Variants in DCC observed in about 807,000 individuals in gnomAD.
DCC encodes the protein netrin receptor DCC.
In DCC, 58 loss-of-function variants were observed where a neutral mutation model predicts 172.5. That is an observed-to-expected ratio of 0.34 (90% CI 0.27 to 0.42). The LOEUF is 0.42. Among genes scored for constraint, DCC ranks in the 10% least tolerant of loss-of-function variants. The probability of loss-of-function intolerance (pLI) is 1.00; values close to 1 mark genes in which losing one functional copy is unlikely to be tolerated. For synonymous variants in DCC, 709 were observed against 644.5 expected (o/e 1.10, Z -1.52); for missense variants, 1,740 against 1,791.0 (o/e 0.97, Z 0.51).
At chr18:53,036,523 C>A (rs1035966998) in intron 5 of DCC, among the ~76,000 whole-genome samples, 5 of 151,986 alleles carry the variant, frequency 3.3e-5, no homozygotes, top group African/African-American at 1.2e-4. Context: ...GATAACGTTC[C>A]TTCTGCTACT....
intron 9 of DCC, among the ~76,000 whole-genome samples, chr18:53,195,905 G>C (rs1002127821): frequency 6.6e-6 from 1 of 152,086 alleles, no homozygotes; most frequent in African/African-American, 2.4e-5. Flanking sequence ...GGTGTTTTCT[G>C]TGCATTTTGT....
chr18:53,352,581 A>G (rs1309296588), intron 15 of DCC, among the ~76,000 whole-genome samples: 2 of 152,124 alleles, frequency 1.3e-5, no homozygotes, highest in Non-Finnish European at 2.9e-5. Flanking sequence ...GGGTACATAT[A>G]TTCATTATTT....
intron 26 of DCC, among the ~76,000 whole-genome samples, chr18:53,491,030 AC>A (rs1247811682): frequency 2.0e-5 from 3 of 152,142 alleles, no homozygotes; most frequent in Non-Finnish European, 4.4e-5. Context: ...CCTATGTGGT[AC>A]TAAGGATGGA....
chr18:52,394,308 C>T (rs1598780765), intron 1 of DCC, among the ~76,000 whole-genome samples: 1 of 151,938 alleles, frequency 6.6e-6, no homozygotes, highest in African/African-American at 2.4e-5. Context: ...ACTCTGTTGC[C>T]CAGGCTGGAG....
intron 2 of DCC, among the ~76,000 whole-genome samples, chr18:52,863,415 A>C (rs1256421464): frequency 1.3e-5 from 2 of 151,832 alleles, no homozygotes; most frequent in African/African-American, 4.8e-5. Flanking sequence ...TTTTAAAAGC[A>C]TAAGCTTTCT....
At chr18:52,820,967 G>A (rs902396423) in intron 2 of DCC, among the ~76,000 whole-genome samples, 2 of 151,938 alleles carry the variant, frequency 1.3e-5, no homozygotes, top group African/African-American at 4.8e-5. Flanking sequence ...GCAACATCTG[G>A]GACCCTTATC....
At chr18:53,467,862 G>A (rs770430403) in intron 24 of DCC, 32 bp from the exon 25 acceptor site, 1 of 1,056,670 alleles carries the variant, frequency 9.5e-7, no homozygotes, top group Admixed American at 1.7e-5. Context: ...TCCTTGAAGA[G>A]GGCATGTTTC....
chr18:53,251,479 C>T (rs2056432731), intron 12 of DCC, among the ~76,000 whole-genome samples: 1 of 151,906 alleles, frequency 6.6e-6, no homozygotes, highest in African/African-American at 2.4e-5. Context: ...ATGATTTGTG[C>T]ATTTATATGC....
chr18:52,349,620 A>G (rs1170028042), intron 1 of DCC, among the ~76,000 whole-genome samples: 1 of 152,108 alleles, frequency 6.6e-6, no homozygotes, highest in Non-Finnish European at 1.5e-5. Context: ...TTATTTTACA[A>G]TTCATCTGAG....
chr18:52,805,689 G>T (rs546279344), intron 2 of DCC, among the ~76,000 whole-genome samples: 1 of 152,132 alleles, frequency 6.6e-6, no homozygotes, highest in African/African-American at 2.4e-5. Flanking sequence ...ATGAATACTA[G>T]AAATGAATGT....
At chr18:53,176,490 C>A (rs2055097048) in intron 8 of DCC, among the ~76,000 whole-genome samples, 2 of 149,746 alleles carry the variant, frequency 1.3e-5, no homozygotes, top group South Asian at 4.2e-4. Flanking sequence ...AAGAAAAAAA[C>A]AAACAACCCC....
intron 2 of DCC, among the ~76,000 whole-genome samples, chr18:52,904,480 G>T (rs1158922809): frequency 1.3e-5 from 2 of 152,174 alleles, no homozygotes; most frequent in Non-Finnish European, 2.9e-5. Context: ...ATTTGACCCA[G>T]GTCATTTTAC....
At chr18:52,895,597 CAT>C (rs1197671201) in intron 2 of DCC, among the ~76,000 whole-genome samples, 2 of 152,112 alleles carry the variant, frequency 1.3e-5, no homozygotes, top group African/African-American at 4.8e-5. Context: ...AGTTTATTAA[CAT>C]AATTTTCTAT....
intron 27 of DCC, among the ~76,000 whole-genome samples, chr18:53,501,554 T>C (rs1364255908): frequency 2.6e-5 from 4 of 152,202 alleles, no homozygotes; most frequent in Non-Finnish European, 4.4e-5. Flanking sequence ...CACATTTTAA[T>C]GAGGAAAGGT....
intron 1 of DCC, among the ~76,000 whole-genome samples, chr18:52,413,827 T>A (rs993716074): frequency 6.6e-6 from 1 of 152,260 alleles, no homozygotes; most frequent in East Asian, 1.9e-4. Flanking sequence ...CGGTGTCTTT[T>A]CTCTTTAGAA....
intron 1 of DCC, among the ~76,000 whole-genome samples, chr18:52,457,289 G>A (rs533641039): frequency 1.3e-5 from 2 of 152,282 alleles, no homozygotes; most frequent in South Asian, 4.1e-4. Context: ...GTCTCATAAA[G>A]CAGCTGGAAA....
chr18:53,236,297 G>T (rs1191654606), intron 12 of DCC, among the ~76,000 whole-genome samples: 3 of 151,934 alleles, frequency 2.0e-5, no homozygotes, highest in African/African-American at 7.2e-5. Context: ...ATCACCTTGT[G>T]GCTTTAATTT....
chr18:52,994,413 C>G (rs1171172259), intron 5 of DCC, among the ~76,000 whole-genome samples: 4 of 152,012 alleles, frequency 2.6e-5, no homozygotes, highest in Admixed American at 2.6e-4. Flanking sequence ...TTAAATTAAA[C>G]AAGGAAGAGA....
intron 1 of DCC, among the ~76,000 whole-genome samples, chr18:52,677,297 G>A (rs2125897): frequency 0.23 from 34,755 of 151,906 alleles, 4,698 homozygotes; most frequent in South Asian, 0.4. Flanking sequence ...CCCTAATTAT[G>A]AGAAAGTAAG....
Sources: gnomAD v4.1 joint callset for allele counts (sites outside exome capture counted in the v4.1 genomes callset) on GRCh38, gnomAD v4.1.1 for gene constraint, MANE v1.5 for transcripts, NCBI Gene and HGNC (gene_info 2026-07-23, HGNC 2026-07-21) for gene names.